The following FBXL13 variants were observed in gnomAD, a reference collection of about 807,000 sequenced individuals.
FBXL13 encodes the protein F-box and leucine-rich repeat protein 13.
A neutral mutation model predicts 83.6 loss-of-function variants in FBXL13; 67 were observed. The observed-to-expected ratio is 0.80, with a 90% CI of 0.66 to 0.98. The LOEUF (loss-of-function observed/expected upper bound fraction) is 0.98, where lower values mean the gene tolerates loss of function less well. Ranked by LOEUF, FBXL13 falls within the 50% of genes least tolerant of loss-of-function variation. The pLI, the probability that FBXL13 is intolerant of heterozygous loss-of-function variation, is 0.00. For synonymous variants in FBXL13, 272 were observed against 299.5 expected (o/e 0.91, Z 0.95); for missense variants, 822 against 866.5 (o/e 0.95, Z 0.64).
At chr7:102,877,440 T>C in intron 16 of FBXL13, 27 bp downstream of exon 17, 1 of 1,528,356 alleles carries the variant, frequency 6.5e-7, no homozygotes, top group East Asian at 2.3e-5. Flanking sequence ...ACAATAAAAG[T>C]CATTGTACTG....
At chr7:103,012,611 G>C (rs1791772498) in intron 6 of FBXL13, among the ~76,000 whole-genome samples, 1 of 152,100 alleles carries the variant, frequency 6.6e-6, no homozygotes, top group East Asian at 1.9e-4. Context: ...AATGCTAAGG[G>C]AATTTCTTAC....
chr7:102,833,593 A>AT (rs780625360), intron 17 of FBXL13, among the ~76,000 whole-genome samples: 3,105 of 148,492 alleles, frequency 0.021, 127 homozygotes, highest in East Asian at 0.15. Flanking sequence ...CGCCCGGCTA[A>AT]TTCTTTTTTT....
intron 1 of FBXL13, among the ~76,000 whole-genome samples, chr7:103,061,082 A>G (rs1333674623): frequency 6.6e-6 from 1 of 152,206 alleles, no homozygotes; most frequent in Admixed American, 6.5e-5. Flanking sequence ...ATAAATGAAT[A>G]TTCCGGAAGA....
At position 102,962,572 on chromosome 7, in the gene FBXL13, G is replaced by C. The variant is rs1343182563; in HGVS notation, c.724+961C>G. Reference sequence around the variant, plus strand: ...GGCATTATTCACAAAGCAAAGACTTGGAACCAACCCAAATGTCCAACAATG... The same window carrying C: ...GGCATTATTCACAAAGCAAAGACTTCGAACCAACCCAAATGTCCAACAATG... On this transcript the variant is annotated intron_variant, in intron 8 of 19. Transcript: ENST00000313221. Among the ~76,000 whole-genome samples the C allele has an allele frequency of 2.0e-4, 30 of 151,946 alleles. 1 individual carries two copies. The highest frequency in any genetic ancestry group is 2.0e-3 in the Admixed American group (30 of 15,238).
intron 17 of FBXL13, among the ~76,000 whole-genome samples, chr7:102,834,136 AAGAAAAGAG>A (rs1187109846): frequency 8.0e-6 from 1 of 124,944 alleles, no homozygotes; most frequent in Non-Finnish European, 1.6e-5. Context: ...GAAAGAAAGA[AAGAAAAGAG>A]AAGACAAGAG....
At chr7:102,853,090 GT>G (rs1411323406) in intron 17 of FBXL13, among the ~76,000 whole-genome samples, 4 of 152,126 alleles carry the variant, frequency 2.6e-5, no homozygotes, top group Admixed American at 2.6e-4. Flanking sequence ...ACCAAACATT[GT>G]ATGTTCTCAC....
chr7:103,038,681 T>C (rs1317835613), intron 2 of FBXL13, among the ~76,000 whole-genome samples: 1 of 152,148 alleles, frequency 6.6e-6, no homozygotes, highest in Non-Finnish European at 1.5e-5. Flanking sequence ...GCAAACAAGG[T>C]CTGGAGTGGA....
downstream of FBXL13, among the ~76,000 whole-genome samples, chr7:102,812,884 C>T (rs10248082): frequency 8.3e-3 from 1,227 of 148,110 alleles, 22 homozygotes; most frequent in African/African-American, 0.029. Flanking sequence ...GCTCTGTCGC[C>T]GAGGCTGGAA....
chr7:102,826,715 A>G (rs1799676708), intron 18 of FBXL13, among the ~76,000 whole-genome samples: 1 of 116,162 alleles, frequency 8.6e-6, no homozygotes, highest in Non-Finnish European at 1.8e-5. Context: ...ACAGAGTGAG[A>G]CCCTGTCTCA....
intron 11 of FBXL13, among the ~76,000 whole-genome samples, chr7:102,898,999 C>T (rs1239471943): frequency 1.3e-5 from 2 of 152,154 alleles, no homozygotes; most frequent in African/African-American, 4.8e-5. Context: ...TTACTGCAAC[C>T]TCCATCTTCG....
intron 17 of FBXL13, among the ~76,000 whole-genome samples, chr7:102,833,436 C>CT (rs763657766): frequency 0.067 from 8,953 of 134,578 alleles, 372 homozygotes; most frequent in African/African-American, 0.11. Flanking sequence ...AGCCTGTTTC[C>CT]TTTTTTTTTT....
At chr7:103,006,848 A>G (rs1235016854) in intron 6 of FBXL13, among the ~76,000 whole-genome samples, 1 of 151,000 alleles carries the variant, frequency 6.6e-6, no homozygotes, top group Non-Finnish European at 1.5e-5. Context: ...AAAATGTTCA[A>G]GGATACAAAG....
intron 11 of FBXL13, among the ~76,000 whole-genome samples, chr7:102,907,857 C>A (rs1278055406): frequency 6.6e-6 from 1 of 152,080 alleles, no homozygotes; most frequent in Admixed American, 6.5e-5. Context: ...ATCAAAACCA[C>A]AATGTGATAC....
intron 1 of FBXL13, among the ~76,000 whole-genome samples, chr7:103,066,766 T>C (rs1798432463): frequency 6.6e-6 from 1 of 151,982 alleles, no homozygotes; most frequent in South Asian, 2.1e-4. Context: ...GATTTTTTAA[T>C]ATTCAGTGGA....
At chr7:102,977,309 C>T (rs1016091847) in intron 6 of FBXL13, among the ~76,000 whole-genome samples, 2 of 152,136 alleles carry the variant, frequency 1.3e-5, no homozygotes, top group African/African-American at 2.4e-5. Flanking sequence ...AACAAATGTG[C>T]GTGGCAATTT....
rs571868393 is a variant in FBXL13, at chr7:102,931,791, A to T, written c.777+90T>A. On this transcript the variant is annotated intron_variant, in intron 9 of 19. Coordinates refer to ENST00000313221, the Ensembl canonical transcript of FBXL13. ...CTCTTTTCCACATTGAATCCCAAAT[A>T]AGCACACAAGCATCTATTCTGCATA... 3,849 of 1,218,874 alleles carry T rather than the reference A, an allele frequency of 3.2e-3. 14 individuals carry two copies. The highest frequency in any genetic ancestry group is 3.9e-3 in the Non-Finnish European group (3,344 of 861,022). The allele number at this position is 1,218,874 out of a possible 1,614,324, so 75.5% of individuals were successfully genotyped here. A position where few individuals can be genotyped will look rare whatever the true frequency, so the allele number is the denominator to read the frequency against.
chr7:102,868,149 G>A (rs1012013137), intron 16 of FBXL13, among the ~76,000 whole-genome samples: 4 of 152,026 alleles, frequency 2.6e-5, no homozygotes, highest in African/African-American at 9.7e-5. Context: ...TCATTTCTTT[G>A]TGGTGAGCAC....
At chr7:103,074,114 A>G (rs886693269) in intron 1 of FBXL13, 9 of 450,836 alleles carry the variant, frequency 2.0e-5, no homozygotes, top group African/African-American at 1.7e-4. Context: ...TCTAAAGGCA[A>G]TCCTGGTTGA....
chr7:102,935,136 G>A (rs1458965387), intron 8 of FBXL13, among the ~76,000 whole-genome samples: 1 of 151,414 alleles, frequency 6.6e-6, no homozygotes, highest in African/African-American at 2.4e-5. Context: ...GACTGTGAGA[G>A]CACTCTGAGA....
Sources: gnomAD v4.1 joint callset for allele counts (sites outside exome capture counted in the v4.1 genomes callset) on GRCh38, gnomAD v4.1.1 for gene constraint, MANE v1.5 for transcripts, NCBI Gene and HGNC (gene_info 2026-07-23, HGNC 2026-07-21) for gene names.